The following B3GALT1 variants were observed in gnomAD, a reference collection of about 807,000 sequenced individuals.
B3GALT1 encodes beta-1,3-galactosyltransferase 1.
Under a neutral mutation model 23.2 loss-of-function variants are expected in B3GALT1, and 10 were observed. The observed-to-expected ratio is 0.43, with a 90% CI of 0.27 to 0.73. The LOEUF (loss-of-function observed/expected upper bound fraction) is 0.73, where lower values mean the gene tolerates loss of function less well. B3GALT1 is among the 30% of genes least tolerant of loss of function. B3GALT1 has a pLI of 0.21. For missense variants in B3GALT1, 299 were observed against 405.4 expected (o/e 0.74, Z 2.25); for synonymous variants, 156 against 141.5 (o/e 1.10, Z -0.73).
At chr2:167,564,133 C>T (rs953859430) in intron 2 of B3GALT1, among the ~76,000 whole-genome samples, 1 of 151,072 alleles carries the variant, frequency 6.6e-6, no homozygotes. Context: ...GGAGGGGCTC[C>T]TCACTTCTCA....
chr2:167,665,105 T>G (rs1686149192), intron 3 of B3GALT1, among the ~76,000 whole-genome samples: 1 of 152,064 alleles, frequency 6.6e-6, no homozygotes, highest in Admixed American at 6.5e-5. Context: ...GGGTTTGTCA[T>G]AGTTAGCTCT....
intron 2 of B3GALT1, among the ~76,000 whole-genome samples, chr2:167,617,166 C>T (rs1189353068): frequency 6.6e-6 from 1 of 152,024 alleles, no homozygotes; most frequent in Non-Finnish European, 1.5e-5. Flanking sequence ...CTTAAAGCCT[C>T]ATGGTCATAA....
At chr2:167,761,852 G>T (rs1428837863) in intron 3 of B3GALT1, among the ~76,000 whole-genome samples, 1 of 152,150 alleles carries the variant, frequency 6.6e-6, no homozygotes, top group East Asian at 1.9e-4. Context: ...CACATTTAAG[G>T]ACAGGGTCTG....
At chr2:167,589,547 A>G (rs538602710) in intron 2 of B3GALT1, among the ~76,000 whole-genome samples, 47 of 152,262 alleles carry the variant, frequency 3.1e-4, no homozygotes, top group African/African-American at 1.1e-3. Flanking sequence ...TTCTAATAAC[A>G]TTTGTTAAAT....
intron 1 of B3GALT1, among the ~76,000 whole-genome samples, chr2:167,391,717 C>T (rs73021750): frequency 0.031 from 4,722 of 152,154 alleles, 246 homozygotes; most frequent in African/African-American, 0.11. Context: ...TAGAACTTTA[C>T]CCCTATTTTC....
At chr2:167,340,153 T>C (rs1214943843) in intron 1 of B3GALT1, among the ~76,000 whole-genome samples, 1 of 151,966 alleles carries the variant, frequency 6.6e-6, no homozygotes, top group Non-Finnish European at 1.5e-5. Context: ...GTACATGAGA[T>C]CAATAAATGA....
At chr2:167,487,040 C>CTA (rs1699638440) in intron 1 of B3GALT1, among the ~76,000 whole-genome samples, 2 of 152,116 alleles carry the variant, frequency 1.3e-5, no homozygotes, top group Non-Finnish European at 2.9e-5. Context: ...CAAACAGGAA[C>CTA]TATAATTCCT....
chr2:167,467,555 G>C (rs1406483702), intron 1 of B3GALT1, among the ~76,000 whole-genome samples: 2 of 152,160 alleles, frequency 1.3e-5, no homozygotes, highest in Admixed American at 6.6e-5. Flanking sequence ...GATGACATAT[G>C]ACTGGCAGAG....
At chr2:167,544,997 C>T (rs1288096032) in intron 2 of B3GALT1, among the ~76,000 whole-genome samples, 1 of 145,796 alleles carries the variant, frequency 6.9e-6, no homozygotes, top group Non-Finnish European at 1.5e-5. Flanking sequence ...GAAGGGGACC[C>T]GGAAGGCCGC....
chr2:167,795,750 C>T (rs771191347), intron 3 of B3GALT1, among the ~76,000 whole-genome samples: 2 of 152,190 alleles, frequency 1.3e-5, no homozygotes, highest in Admixed American at 1.3e-4. Context: ...AATTCTAAAG[C>T]TTATAGATCC....
chr2:167,344,009 G>A (rs190282075), intron 1 of B3GALT1, among the ~76,000 whole-genome samples: 1 of 152,282 alleles, frequency 6.6e-6, no homozygotes, highest in South Asian at 2.1e-4. Context: ...GGAGAAGGGA[G>A]TATTGGGTGG....
chr2:167,345,933 T>C (rs76266634), intron 1 of B3GALT1, among the ~76,000 whole-genome samples: 15,489 of 152,126 alleles, frequency 0.1, 1,066 homozygotes, highest in Non-Finnish European at 0.15. Flanking sequence ...TTGTCCATTT[T>C]CACTGAGGTA....
At chr2:167,295,422 G>A (rs1696333606) in intron 1 of B3GALT1, among the ~76,000 whole-genome samples, 2 of 152,300 alleles carry the variant, frequency 1.3e-5, no homozygotes, top group East Asian at 3.9e-4. Flanking sequence ...TACTAAAACA[G>A]GCTAAGCAGT....
At chr2:167,607,807 G>T (rs1046440281) in intron 2 of B3GALT1, among the ~76,000 whole-genome samples, 1 of 152,138 alleles carries the variant, frequency 6.6e-6, no homozygotes, top group Non-Finnish European at 1.5e-5. Context: ...AACTCTTAGG[G>T]CTGAGCAATG....
intron 3 of B3GALT1, among the ~76,000 whole-genome samples, chr2:167,732,959 GA>G (rs1354960661): frequency 6.6e-6 from 1 of 152,184 alleles, no homozygotes; most frequent in Non-Finnish European, 1.5e-5. Flanking sequence ...AATATCCTAT[GA>G]GACAGATACT....
At chr2:167,387,707 C>G (rs1476386527) in intron 1 of B3GALT1, among the ~76,000 whole-genome samples, 2 of 151,986 alleles carry the variant, frequency 1.3e-5, no homozygotes, top group African/African-American at 4.8e-5. Context: ...TGCTTATTTA[C>G]GTGCATTTAA....
At chr2:167,475,773 G>C (rs2105333358) in intron 1 of B3GALT1, among the ~76,000 whole-genome samples, 1 of 152,176 alleles carries the variant, frequency 6.6e-6, no homozygotes, top group Non-Finnish European at 1.5e-5. Flanking sequence ...TTGTTTTACG[G>C]TTCTGGGGTC....
At chr2:167,373,017 A>G (rs1291918396) in intron 1 of B3GALT1, among the ~76,000 whole-genome samples, 2 of 152,148 alleles carry the variant, frequency 1.3e-5, no homozygotes, top group Non-Finnish European at 2.9e-5. Context: ...TAACCAAAAC[A>G]TAGATACATA....
At chr2:167,562,167 A>G (rs1345900538) in intron 2 of B3GALT1, among the ~76,000 whole-genome samples, 1 of 152,230 alleles carries the variant, frequency 6.6e-6, no homozygotes, top group Non-Finnish European at 1.5e-5. Flanking sequence ...CAAATCAATA[A>G]ATGTAATCCA....
Sources: gnomAD v4.1 joint callset for allele counts (sites outside exome capture counted in the v4.1 genomes callset) on GRCh38, gnomAD v4.1.1 for gene constraint, MANE v1.5 for transcripts, NCBI Gene and HGNC (gene_info 2026-07-23, HGNC 2026-07-21) for gene names.